Variants in TAFA1 observed in about 807,000 individuals in gnomAD.
The protein encoded by TAFA1 is TAFA chemokine like family member 1.
Under a neutral mutation model 18.5 loss-of-function variants are expected in TAFA1, and 4 were observed. That is an observed-to-expected ratio of 0.22 (90% confidence interval 0.11 to 0.49). The LOEUF (loss-of-function observed/expected upper bound fraction) is 0.49, where lower values mean the gene tolerates loss of function less well. TAFA1 is among the 20% of genes least tolerant of loss of function. TAFA1 has a pLI of 0.98. For synonymous variants in TAFA1, 56 were observed against 55.2 expected (o/e 1.01, Z -0.06); for missense variants, 147 against 169.0 (o/e 0.87, Z 0.72).
chr3:68,481,997 C>T (rs969807086), intron 3 of TAFA1, among the ~76,000 whole-genome samples: 1 of 152,128 alleles, frequency 6.6e-6, no homozygotes, highest in Admixed American at 6.6e-5. Context: ...ATCCAAAAGA[C>T]AGCATACTTT....
chr3:68,015,550 C>T (rs9790163), intron 2 of TAFA1, among the ~76,000 whole-genome samples: 4,473 of 152,192 alleles, frequency 0.029, 96 homozygotes, highest in East Asian at 0.13. Context: ...GGCCTCCCAA[C>T]GTGCTGGGAT....
chr3:68,416,734 C>T (rs1360751481), intron 2 of TAFA1, among the ~76,000 whole-genome samples: 2 of 152,192 alleles, frequency 1.3e-5, no homozygotes, highest in African/African-American at 4.8e-5. Flanking sequence ...TACCCATTTT[C>T]TCCAGCAATT....
chr3:68,261,101 G>A (rs189883992), intron 2 of TAFA1, among the ~76,000 whole-genome samples: 4,244 of 151,802 alleles, frequency 0.028, 148 homozygotes, highest in East Asian at 0.11. Flanking sequence ...AAAAGTGGGC[G>A]AAGGATATGA....
At chr3:68,227,406 G>T (rs146685360) in intron 2 of TAFA1, among the ~76,000 whole-genome samples, 1 of 152,164 alleles carries the variant, frequency 6.6e-6, no homozygotes, top group African/African-American at 2.4e-5. Context: ...TGAGGAAAGG[G>T]AATCAAGACA....
chr3:68,411,766 G>C (rs994997605), intron 2 of TAFA1, among the ~76,000 whole-genome samples: 1 of 152,172 alleles, frequency 6.6e-6, no homozygotes, highest in Non-Finnish European at 1.5e-5. Context: ...TTATGTAAGT[G>C]TGACTTTTCC....
intron 2 of TAFA1, among the ~76,000 whole-genome samples, chr3:68,343,194 C>T (rs1252917040): frequency 6.6e-6 from 1 of 152,052 alleles, no homozygotes; most frequent in Non-Finnish European, 1.5e-5. Context: ...TTAATGTATC[C>T]CAAATAAATA....
intron 3 of TAFA1, among the ~76,000 whole-genome samples, chr3:68,508,164 G>T (rs1419575008): frequency 1.3e-5 from 2 of 152,024 alleles, no homozygotes; most frequent in Non-Finnish European, 2.9e-5. Context: ...CAGTAAGGTG[G>T]AAGAGGAGTT....
In TAFA1 at chr3:68,301,584, C is replaced by T. The variant is rs150430255; in HGVS notation, c.119-115696C>T. Among the ~76,000 whole-genome samples the T allele has an allele frequency of 1.1e-4, 17 of 152,242 alleles. 1 individual carries two copies. The South Asian group carries it at 3.1e-3, about 28-fold the overall frequency. On this transcript the variant is annotated intron_variant, in intron 2 of 4. Transcript: ENST00000478136. Reference sequence around the variant, plus strand: ...GAGTAAAGTGGCCCCCTGTCTGGAACTGGGAAAAGTAAAGCAGAGCTAAAA... The same window carrying T: ...GAGTAAAGTGGCCCCCTGTCTGGAATTGGGAAAAGTAAAGCAGAGCTAAAA...
At chr3:68,384,902 T>C (rs2070058866) in intron 2 of TAFA1, among the ~76,000 whole-genome samples, 1 of 152,094 alleles carries the variant, frequency 6.6e-6, no homozygotes, top group South Asian at 2.1e-4. Flanking sequence ...AATTCAACCC[T>C]TTACCATTAT....
chr3:68,033,981 C>G (rs576495001), intron 2 of TAFA1, among the ~76,000 whole-genome samples: 4 of 152,280 alleles, frequency 2.6e-5, no homozygotes, highest in African/African-American at 9.6e-5. Context: ...CATAATCACA[C>G]TGTAAGGAAG....
chr3:68,245,730 T>C (rs2067065092), intron 2 of TAFA1, among the ~76,000 whole-genome samples: 1 of 152,262 alleles, frequency 6.6e-6, no homozygotes, highest in African/African-American at 2.4e-5. Flanking sequence ...TAAATGACCT[T>C]GAGCAGCTTC....
chr3:68,014,789 C>T (rs1315766718), intron 2 of TAFA1, among the ~76,000 whole-genome samples: 4 of 152,054 alleles, frequency 2.6e-5, no homozygotes, highest in African/African-American at 9.7e-5. Context: ...CATCATGGAC[C>T]AGGCAGGTGA....
intron 3 of TAFA1, among the ~76,000 whole-genome samples, chr3:68,446,843 A>G (rs938920012): frequency 7.2e-5 from 11 of 152,302 alleles, no homozygotes; most frequent in South Asian, 4.1e-4. Flanking sequence ...TCTGAATACA[A>G]TCACTACTTA....
rs117071605 is a variant in TAFA1, at chr3:68,341,389, C to T, written c.119-75891C>T. On this transcript the variant is annotated intron_variant, in intron 2 of 4. Transcript: ENST00000478136. The stretch of plus-strand genomic sequence containing the variant: ...TCTGGGTGGTGTCAGCTGGTGCACC[C>T]AGTGCAGGGTCTGCAAAATATCTCA... Among the ~76,000 whole-genome samples, 1,585 of 152,180 alleles carry T rather than the reference C, an allele frequency of 0.01. 81 individuals are homozygous for T. The East Asian group carries it at 0.16, about 16-fold the overall frequency.
At chr3:68,292,577 A>T (rs1417629656) in intron 2 of TAFA1, among the ~76,000 whole-genome samples, 1 of 152,178 alleles carries the variant, frequency 6.6e-6, no homozygotes, top group Non-Finnish European at 1.5e-5. Context: ...CCCAAGCTGG[A>T]GTGCAATGGC....
At chr3:68,087,237 T>C (rs2106789245) in intron 2 of TAFA1, among the ~76,000 whole-genome samples, 1 of 152,256 alleles carries the variant, frequency 6.6e-6, no homozygotes, top group African/African-American at 2.4e-5. Flanking sequence ...TAGTTGAAAA[T>C]GCTGGGAAAT....
At chr3:68,433,884 A>C (rs1274679362) in intron 3 of TAFA1, among the ~76,000 whole-genome samples, 2 of 152,128 alleles carry the variant, frequency 1.3e-5, no homozygotes, top group Non-Finnish European at 2.9e-5. Context: ...CATCTCTTGA[A>C]CACTTCACTG....
At chr3:68,442,501 G>A (rs931201672) in intron 3 of TAFA1, among the ~76,000 whole-genome samples, 1 of 152,098 alleles carries the variant, frequency 6.6e-6, no homozygotes. Flanking sequence ...TTAAGTTTTA[G>A]CATGAGTTTT....
intron 2 of TAFA1, among the ~76,000 whole-genome samples, chr3:68,284,461 T>C (rs2067959431): frequency 6.6e-6 from 1 of 152,226 alleles, no homozygotes; most frequent in African/African-American, 2.4e-5. Flanking sequence ...ATATCTTTCC[T>C]CTGACCCAGA....
Sources: allele counts gnomAD v4.1 joint callset (sites outside exome capture counted in the v4.1 genomes callset), GRCh38; gene constraint gnomAD v4.1.1; transcripts MANE v1.5; gene names NCBI Gene and HGNC (gene_info 2026-07-23, HGNC 2026-07-21).